The following LINGO1 variants were observed in gnomAD, a reference collection of about 807,000 sequenced individuals.
LINGO1 encodes leucine-rich repeat and immunoglobulin-like domain-containing nogo receptor-interacting protein 1.
Under a neutral mutation model 37.3 loss-of-function variants are expected in LINGO1, and 11 were observed. The ratio of observed to expected loss-of-function variants is 0.29; its 90% CI spans 0.19 to 0.49. The LOEUF (loss-of-function observed/expected upper bound fraction) is 0.49, where lower values mean the gene tolerates loss of function less well. Ranked by LOEUF, LINGO1 falls within the 20% of genes least tolerant of loss-of-function variation. The pLI is 0.99. For missense variants in LINGO1, 585 were observed against 878.2 expected (o/e 0.67, Z 4.22); for synonymous variants, 387 against 403.0 (o/e 0.96, Z 0.48).
intron 3 of LINGO1, chr15:77,646,368 C>A: frequency 2.3e-6 from 1 of 439,104 alleles, no homozygotes; most frequent in South Asian, 1.7e-5. Context: ...CATTGGCACC[C>A]TCTGGTCTTG....
chr15:77,644,000 A>G (rs945146401), intron 3 of LINGO1, among the ~76,000 whole-genome samples: 1 of 152,222 alleles, frequency 6.6e-6, no homozygotes, highest in Admixed American at 6.5e-5. Flanking sequence ...TGGTGAGGAC[A>G]CGCTGGGAGA....
At chr15:77,630,001 G>A (rs1410581408) in intron 1 of LINGO1, among the ~76,000 whole-genome samples, 8 of 151,966 alleles carry the variant, frequency 5.3e-5, no homozygotes, top group Non-Finnish European at 1.0e-4. Flanking sequence ...GAGGATGGGG[G>A]GATACGTGGA....
chr15:77,669,706 C>G (rs1167093316), intron 3 of LINGO1, among the ~76,000 whole-genome samples: 2 of 152,290 alleles, frequency 1.3e-5, no homozygotes, highest in Admixed American at 1.3e-4. Flanking sequence ...GGCTGAAAAC[C>G]TAGATGCCTA....
rs1038590414 is a variant in LINGO1, at chr15:77,745,699, C to A, written c.-256-10646G>T. Reference sequence around the variant, plus strand: ...CCTCATACACAATTGCTCATCTCTTCCTCACAACCCTGGCAGGCAAGACCA... The same window carrying A: ...CCTCATACACAATTGCTCATCTCTTACTCACAACCCTGGCAGGCAAGACCA... On this transcript the variant is annotated intron_variant, in intron 1 of 3. Transcript: ENST00000561686. Among the ~76,000 whole-genome samples, 8 of 152,300 alleles carry A rather than the reference C, an allele frequency of 5.3e-5. No homozygotes were observed. In the South Asian group the frequency reaches 1.7e-3, roughly 32 times the overall value.
rs971184909 is a variant in LINGO1 at position 77,632,756 on chromosome 15, C to T, written c.-441G>A. Among the ~76,000 whole-genome samples the T allele has an allele frequency of 1.3e-3, 191 of 146,044 alleles. No homozygotes were observed. The highest frequency in any genetic ancestry group is 4.5e-3 in the African/African-American group (183 of 40,742). On this transcript the variant is annotated 5_prime_UTR_variant, in exon 1 of 2. Transcript: ENST00000355300. The surrounding 1 kb of genome is among the most constrained non-coding windows in gnomAD (Gnocchi z 6.0). Reference sequence around the variant, plus strand: ...TCGGCGCCCCGCGTCGGGAGAGGGGCCGGAGCGGCGCGGGTGGGGACTCCG... The same window carrying T: ...TCGGCGCCCCGCGTCGGGAGAGGGGTCGGAGCGGCGCGGGTGGGGACTCCG...
upstream of LINGO1, among the ~76,000 whole-genome samples, chr15:77,634,850 G>C (rs1411081896): frequency 6.6e-6 from 1 of 150,882 alleles, no homozygotes; most frequent in African/African-American, 2.4e-5. Context: ...ATAGACGCTC[G>C]CTGGCTCCTG....
chr15:77,805,968 A>C (rs544349395), intron 1 of LINGO1, among the ~76,000 whole-genome samples: 1 of 152,228 alleles, frequency 6.6e-6, no homozygotes, highest in East Asian at 1.9e-4. Context: ...CCCGGGGCTG[A>C]CCTCAGAGCT....
At chr15:77,687,328 G>A (rs1305546655) in intron 2 of LINGO1, among the ~76,000 whole-genome samples, 1 of 152,242 alleles carries the variant, frequency 6.6e-6, no homozygotes, top group Non-Finnish European at 1.5e-5. Context: ...CCAGGGTTTA[G>A]TGTGGGGCTG....
At chr15:77,738,297 C>T (rs1471981036) in intron 1 of LINGO1, among the ~76,000 whole-genome samples, 2 of 152,196 alleles carry the variant, frequency 1.3e-5, no homozygotes, top group Non-Finnish European at 2.9e-5. Context: ...GGCCCTGTGG[C>T]TCCCTGCCAT....
intron 1 of LINGO1, among the ~76,000 whole-genome samples, chr15:77,752,196 C>A (rs193143563): frequency 1.3e-5 from 2 of 152,316 alleles, no homozygotes; most frequent in African/African-American, 4.8e-5. Context: ...GCCCTGCCTG[C>A]CCCAGCCCCT....
Position 77,763,040 on chromosome 15 carries a change from G to C in LINGO1, c.-257+23829C>G, listed in dbSNP as rs144834802. Among the ~76,000 whole-genome samples, 591 of 152,340 alleles carry C rather than the reference G, an allele frequency of 3.9e-3. 7 individuals carry two copies. Among genetic ancestry groups the C allele is most frequent in the Non-Finnish European group, 2.9e-3 (198 of 68,038 alleles). On this transcript the variant is annotated intron_variant, in intron 1 of 3. Coordinates refer to the LINGO1 transcript ENST00000561686. ...AGCCATCAGAGAACTGCCGAGAAAG[G>C]GAGGTGCCCACCCCGCCCTCGCCCG...
At chr15:77,652,222 C>T (rs1385725404) in intron 3 of LINGO1, 1 of 152,058 alleles carries the variant, frequency 6.6e-6, no homozygotes, top group African/African-American at 2.4e-5. Flanking sequence ...ACAGGGCCAC[C>T]CTAGGGATCG....
At chr15:77,796,501 AAGAG>A (rs1433807871) in intron 1 of LINGO1, among the ~76,000 whole-genome samples, 6 of 152,156 alleles carry the variant, frequency 3.9e-5, no homozygotes, top group Non-Finnish European at 4.4e-5. Flanking sequence ...CTGGGAAGAT[AAGAG>A]AGAGAGAAGG....
chr15:77,634,363 C>G, upstream of LINGO1: 1 of 456,002 alleles, frequency 2.2e-6, no homozygotes, highest in Non-Finnish European at 4.4e-6. Flanking sequence ...AGCACTTTCT[C>G]CTGTCTCCTA....
At chr15:77,660,543 C>T (rs1358224817) in intron 3 of LINGO1, among the ~76,000 whole-genome samples, 2 of 152,222 alleles carry the variant, frequency 1.3e-5, no homozygotes, top group African/African-American at 4.8e-5. Context: ...ATTCTCTGTA[C>T]CAAGTGGGAG....
At chr15:77,798,064 C>T (rs1596241806) in intron 1 of LINGO1, among the ~76,000 whole-genome samples, 1 of 152,310 alleles carries the variant, frequency 6.6e-6, no homozygotes, top group East Asian at 1.9e-4. Context: ...TGAAGAGAGA[C>T]CTGCTCAGCC....
intron 3 of LINGO1, among the ~76,000 whole-genome samples, chr15:77,640,446 T>C (rs2074479725): frequency 6.6e-6 from 1 of 152,232 alleles, no homozygotes; most frequent in Non-Finnish European, 1.5e-5. Context: ...TCTGGCATGC[T>C]AGGCCACATA....
chr15:77,750,725 T>C (rs913616292), intron 1 of LINGO1, among the ~76,000 whole-genome samples: 3 of 152,256 alleles, frequency 2.0e-5, no homozygotes, highest in East Asian at 1.9e-4. Flanking sequence ...AAGATATTTT[T>C]TCACTCAATA....
chr15:77,732,266 C>T (rs184226002), intron 2 of LINGO1, among the ~76,000 whole-genome samples: 51 of 152,140 alleles, frequency 3.4e-4, no homozygotes, highest in Admixed American at 4.6e-4. Flanking sequence ...GAAAGAGCAA[C>T]GAGGCCTCCC....
Sources: gnomAD v4.1 joint callset for allele counts (sites outside exome capture counted in the v4.1 genomes callset) on GRCh38, gnomAD v4.1.1 for gene constraint, Gnocchi (gnomAD v3.1) non-coding constraint, MANE v1.5 for transcripts, NCBI Gene and HGNC (gene_info 2026-07-23, HGNC 2026-07-21) for gene names.